MAP2K4: variants seen among roughly 807,000 people sequenced by gnomAD.
The protein encoded by MAP2K4 is mitogen-activated protein kinase kinase 4.
In MAP2K4, 4 loss-of-function variants were observed where a neutral mutation model predicts 48.5. The observed-to-expected ratio is 0.08, with a 90% CI of 0.04 to 0.19. The LOEUF is 0.19. Among genes scored for constraint, MAP2K4 ranks in the 10% least tolerant of loss-of-function variants. The pLI is 1.00. For synonymous variants in MAP2K4, 166 were observed against 173.1 expected, an observed-to-expected ratio of 0.96 and a Z score of 0.32; for missense variants, 258 against 493.3, an observed-to-expected ratio of 0.52 and a Z score of 4.52.
intron 2 of MAP2K4, among the ~76,000 whole-genome samples, chr17:12,057,112 A>G (rs1970303358): frequency 6.6e-6 from 1 of 152,172 alleles, no homozygotes; most frequent in Non-Finnish European, 1.5e-5. Context: ...ATTGTAAGAC[A>G]GTGTTCTTTT....
chr17:12,063,200 A>C (rs1176160420), intron 2 of MAP2K4, among the ~76,000 whole-genome samples: 1 of 152,150 alleles, frequency 6.6e-6, no homozygotes, highest in African/African-American at 2.4e-5. Context: ...GGGACTTAAA[A>C]CGACCTGATT....
rs534757841 is a variant in MAP2K4, at chr17:12,081,782, T to C, written c.393+252T>C. 1.2e-5 allele frequency: 6 copies of C among 510,430 alleles called. No homozygotes were observed. The highest frequency in any genetic ancestry group is 2.2e-5 in the Non-Finnish European group (6 of 268,214). The allele number at this position is 510,430 out of a possible 1,614,324, so 31.6% of individuals were successfully genotyped here. ...TTTGGCATGATGCATTAACATGTTT[T>C]AAACTTCAGGCCCTTCTACTGCCAA... On this transcript the variant is annotated intron_variant, in intron 3 of 10. Coordinates refer to ENST00000353533, the MANE Select transcript of MAP2K4 (RefSeq NM_003010.4). This position sits in a 1 kb window ranked among gnomAD's most constrained non-coding sequence, Gnocchi z 4.2.
At chr17:12,086,177 A>G (rs1040079827) in intron 3 of MAP2K4, among the ~76,000 whole-genome samples, 5 of 152,160 alleles carry the variant, frequency 3.3e-5, no homozygotes, top group African/African-American at 4.8e-5. Context: ...TGCAGATGTC[A>G]TGGCTCTTTT....
chr17:12,092,953 G>C (rs1393737844), intron 3 of MAP2K4, among the ~76,000 whole-genome samples: 1 of 152,198 alleles, frequency 6.6e-6, no homozygotes, highest in Non-Finnish European at 1.5e-5. Flanking sequence ...ATCAACCCGG[G>C]AGGAGGAGCT....
chr17:12,082,900 A>G (rs897048895), intron 3 of MAP2K4, among the ~76,000 whole-genome samples: 1 of 152,182 alleles, frequency 6.6e-6, no homozygotes, highest in Non-Finnish European at 1.5e-5. Flanking sequence ...TGATTTCTGT[A>G]TTCCTATTTT....
In MAP2K4 at chr17:12,081,828, C is replaced by T. The variant is rs1411872222; in HGVS notation, c.393+298C>T. On this transcript the variant is annotated intron_variant, in intron 3 of 10. Coordinates refer to ENST00000353533, the MANE Select transcript of MAP2K4 (RefSeq NM_003010.4). The surrounding 1 kb of genome is among the most constrained non-coding windows in gnomAD (Gnocchi z 4.2). ...GCCAAGGTGAGTTCAGGCTGGGCGG[C>T]TGCACCCCTGGGAGCAGGGCAGTGC... is the stretch of plus-strand genomic sequence containing the variant. 4.0e-6 allele frequency: 2 copies of T among 497,292 alleles called. No homozygotes were observed. Among genetic ancestry groups the T allele is most frequent in the African/African-American group, 3.8e-5 (2 of 51,992 alleles). 30.8% of individuals were successfully genotyped at this position (497,292 alleles called of 1,614,324 possible). A position where few individuals can be genotyped will look rare whatever the true frequency, so the allele number is the denominator to read the frequency against.
chr17:12,045,160 T>C (rs571651861), intron 1 of MAP2K4, among the ~76,000 whole-genome samples: 3 of 152,372 alleles, frequency 2.0e-5, no homozygotes, highest in East Asian at 3.9e-4. Context: ...AACAGACTTA[T>C]ATTTCTTTCA....
At chr17:12,040,058 G>A (rs780680989) in intron 1 of MAP2K4, among the ~76,000 whole-genome samples, 5 of 152,136 alleles carry the variant, frequency 3.3e-5, no homozygotes, top group South Asian at 2.1e-4. Context: ...ACATCAGGAG[G>A]CATATGATTT....
chr17:12,113,701 T>G (rs905628882), intron 7 of MAP2K4, among the ~76,000 whole-genome samples: 1 of 152,318 alleles, frequency 6.6e-6, no homozygotes, highest in East Asian at 1.9e-4. Flanking sequence ...TGGGAAGCCT[T>G]GAGTTCATTA....
At chr17:12,098,657 T>A (rs1971837374) in intron 4 of MAP2K4, among the ~76,000 whole-genome samples, 1 of 152,110 alleles carries the variant, frequency 6.6e-6, no homozygotes, top group African/African-American at 2.4e-5. Context: ...AAATCTGAGT[T>A]CATGAAAGGA....
intron 9 of MAP2K4, among the ~76,000 whole-genome samples, chr17:12,137,736 A>T (rs1973250344): frequency 6.6e-6 from 1 of 152,194 alleles, no homozygotes; most frequent in East Asian, 1.9e-4. Context: ...GATTTAGTAT[A>T]GGTTTTCAGA....
At chr17:12,139,429 T>C (rs1240968851) in intron 9 of MAP2K4, among the ~76,000 whole-genome samples, 1 of 152,210 alleles carries the variant, frequency 6.6e-6, no homozygotes, top group African/African-American at 2.4e-5. Flanking sequence ...CAGAATTACT[T>C]GATTGCTGGT....
At chr17:12,045,220 G>A (rs1337864351) in intron 1 of MAP2K4, among the ~76,000 whole-genome samples, 1 of 152,074 alleles carries the variant, frequency 6.6e-6, no homozygotes, top group African/African-American at 2.4e-5. Context: ...AAAAGGTTTG[G>A]AAGCACTGAT....
At chr17:12,140,281 T>G (rs1973336446) in intron 10 of MAP2K4, among the ~76,000 whole-genome samples, 2 of 152,214 alleles carry the variant, frequency 1.3e-5, no homozygotes, top group South Asian at 4.1e-4. Context: ...CCCATTTCTT[T>G]GAAAGTTCTC....
chr17:12,031,386 T>C (rs956172340), intron 1 of MAP2K4, among the ~76,000 whole-genome samples: 6 of 152,236 alleles, frequency 3.9e-5, no homozygotes, highest in Non-Finnish European at 8.8e-5. Flanking sequence ...ATTGAATTTG[T>C]TTAAACACAA....
intron 1 of MAP2K4, chr17:12,021,557 G>A (rs1355185124): frequency 2.0e-5 from 3 of 150,814 alleles, no homozygotes; most frequent in African/African-American, 4.9e-5. Context: ...GGGCTACGGG[G>A]GCCTCTTGGA....
intron 1 of MAP2K4, among the ~76,000 whole-genome samples, chr17:12,042,699 ACT>A (rs1221457098): frequency 3.3e-5 from 5 of 151,552 alleles, no homozygotes; most frequent in African/African-American, 9.7e-5. Flanking sequence ...AGGAAGGTAG[ACT>A]CTCTGACTTT....
At chr17:12,135,788 G>A (rs1973187724) in intron 9 of MAP2K4, among the ~76,000 whole-genome samples, 2 of 152,152 alleles carry the variant, frequency 1.3e-5, no homozygotes, top group Non-Finnish European at 2.9e-5. Context: ...GACCTCAGGT[G>A]ATCCGCCTGC....
chr17:12,120,562 T>C (rs1190663366), intron 7 of MAP2K4, among the ~76,000 whole-genome samples: 6 of 116,198 alleles, frequency 5.2e-5, no homozygotes, highest in Admixed American at 1.0e-4. Flanking sequence ...GAAAAAATGC[T>C]CTTGATGAAA....
Sources: allele counts gnomAD v4.1 joint callset (sites outside exome capture counted in the v4.1 genomes callset), GRCh38; gene constraint gnomAD v4.1.1; non-coding constraint Gnocchi (gnomAD v3.1); transcripts MANE v1.5; gene names NCBI Gene and HGNC (gene_info 2026-07-23, HGNC 2026-07-21).